AIG1: variants seen among roughly 807,000 people sequenced by gnomAD.
AIG1 encodes androgen induced 1.
A neutral mutation model predicts 31.4 loss-of-function variants in AIG1; 23 were observed. The observed-to-expected ratio is 0.73, with a 90% CI of 0.53 to 1.04. The LOEUF is 1.04. Ranked by LOEUF, AIG1 falls within the 50% of genes least tolerant of loss-of-function variation. The pLI, the probability that AIG1 is intolerant of heterozygous loss-of-function variation, is 0.00. For missense variants in AIG1, 274 were observed against 295.0 expected, an observed-to-expected ratio of 0.93 and a Z score of 0.52; for synonymous variants, 100 against 110.5, an observed-to-expected ratio of 0.90 and a Z score of 0.60.
At chr6:143,126,346 G>C (rs1782686491) in intron 1 of AIG1, 1 of 152,120 alleles carries the variant, frequency 6.6e-6, no homozygotes, top group Non-Finnish European at 1.5e-5. Context: ...ATTGCTACCG[G>C]GTGTTCAGAT....
At chr6:143,169,236 A>G (rs187361066) in intron 3 of AIG1, among the ~76,000 whole-genome samples, 2 of 152,180 alleles carry the variant, frequency 1.3e-5, no homozygotes, top group Admixed American at 1.3e-4. Context: ...ATATGCATGA[A>G]ATTTAAATGT....
intron 3 of AIG1, among the ~76,000 whole-genome samples, chr6:143,202,358 A>G (rs1790761907): frequency 6.6e-6 from 1 of 152,144 alleles, no homozygotes; most frequent in Admixed American, 6.5e-5. Flanking sequence ...ATCACAAAAA[A>G]ACAGGCAGAT....
chr6:143,302,223 T>G (rs1001002512), intron 4 of AIG1, among the ~76,000 whole-genome samples: 1 of 151,792 alleles, frequency 6.6e-6, no homozygotes, highest in Non-Finnish European at 1.5e-5. Context: ...TTTTTTAATT[T>G]AATTTTATTA....
chr6:143,318,649 G>C (rs1047579173), intron 4 of AIG1, among the ~76,000 whole-genome samples: 5 of 150,298 alleles, frequency 3.3e-5, no homozygotes, highest in African/African-American at 1.2e-4. Context: ...AAACTGAAAA[G>C]CTTCTGTACA....
At chr6:143,267,022 C>T (rs555844535) in intron 3 of AIG1, among the ~76,000 whole-genome samples, 3 of 152,328 alleles carry the variant, frequency 2.0e-5, no homozygotes, top group South Asian at 2.1e-4. Context: ...AAAAGCGACC[C>T]AGTCCTTGTC....
intron 1 of AIG1, among the ~76,000 whole-genome samples, chr6:143,124,990 C>T (rs1204948834): frequency 1.3e-5 from 2 of 152,120 alleles, no homozygotes; most frequent in Non-Finnish European, 1.5e-5. Flanking sequence ...TTGGGGAGGA[C>T]GTCCTTTTCC....
chr6:143,065,961 C>T (rs1776663979), intron 1 of AIG1, among the ~76,000 whole-genome samples: 1 of 152,182 alleles, frequency 6.6e-6, no homozygotes, highest in South Asian at 2.1e-4. Context: ...TCTCTTAGGG[C>T]CGTATCATAC....
At chr6:143,204,519 C>G (rs1381927554) in intron 3 of AIG1, among the ~76,000 whole-genome samples, 3 of 152,058 alleles carry the variant, frequency 2.0e-5, no homozygotes, top group Non-Finnish European at 4.4e-5. Flanking sequence ...GTGAAACTAC[C>G]AGGCTTCATA....
intron 2 of AIG1, among the ~76,000 whole-genome samples, chr6:143,142,215 G>C (rs1200161818): frequency 6.6e-6 from 1 of 151,956 alleles, no homozygotes; most frequent in East Asian, 1.9e-4. Context: ...AGGACTACAG[G>C]CATGCACCAC....
rs376637481 is a variant in AIG1 at position 143,175,422 on chromosome 6, C to T, written c.399+10239C>T. ...TTTTCCAGATATTTGGATTTCCCTT[C>T]TTCTTCAGGAACACCAATTATTCTT... is the stretch of plus-strand genomic sequence containing the variant. On this transcript the variant is annotated intron_variant, in intron 3 of 5. Coordinates refer to ENST00000357847, the MANE Select transcript of AIG1 (RefSeq NM_016108.4). Among the ~76,000 whole-genome samples the T allele has an allele frequency of 2.4e-4, 36 of 152,340 alleles. No homozygotes were observed. The East Asian group carries it at 2.5e-3, about 11-fold the overall frequency.
At chr6:143,315,010 A>G (rs1331918390) in intron 4 of AIG1, among the ~76,000 whole-genome samples, 3 of 152,174 alleles carry the variant, frequency 2.0e-5, no homozygotes, top group South Asian at 2.1e-4. Flanking sequence ...TGTTAATATC[A>G]CATGTAGGAA....
At chr6:143,304,858 G>T (rs1350141714) in intron 4 of AIG1, among the ~76,000 whole-genome samples, 7 of 152,126 alleles carry the variant, frequency 4.6e-5, no homozygotes, top group East Asian at 1.9e-4. Flanking sequence ...TCTGGTCCTG[G>T]ACTCTTTTTG....
rs1399600697 is a variant in AIG1, at chr6:143,297,838, T to A, written c.515+13613T>A. On this transcript the variant is annotated intron_variant, in intron 4 of 5. Transcript: ENST00000357847. The surrounding 1 kb of genome is among the most constrained non-coding windows in gnomAD (Gnocchi z 5.1). ...TAGTTTATTTTTTCCAGTTTGGGTA[T>A]TTTTTTTTCTTTCTGGTAGCACTTT... Among the ~76,000 whole-genome samples, 1 of 151,626 alleles carries A rather than the reference T, an allele frequency of 6.6e-6. No homozygotes were observed. The highest frequency in any genetic ancestry group is 2.1e-4 in the South Asian group (1 of 4,802).
At chr6:143,164,863 A>G (rs1786769381) in intron 2 of AIG1, 1 of 410,698 alleles carries the variant, frequency 2.4e-6, no homozygotes, top group Admixed American at 4.0e-5. Flanking sequence ...TTTGCCTGAA[A>G]GAACACCATT....
At chr6:143,103,548 C>T (rs1211559118) in intron 1 of AIG1, among the ~76,000 whole-genome samples, 1 of 141,792 alleles carries the variant, frequency 7.1e-6, no homozygotes, top group East Asian at 2.2e-4. Context: ...CGCTCTGTCG[C>T]CCAGGCTGGA....
rs1016307478 is a variant in AIG1 at position 143,280,824 on chromosome 6, G to A, written c.400-3286G>A. Among the ~76,000 whole-genome samples, 5 of 152,050 alleles carry A rather than the reference G, an allele frequency of 3.3e-5. No homozygotes were observed. Among genetic ancestry groups the A allele is most frequent in the Non-Finnish European group, 4.4e-5 (3 of 68,014 alleles). ...AATACGTACAATGAAACCCCATGACGTGTGTTTACCTATGTAACAAACCTT... is the reference window on the plus strand; with the variant it reads ...AATACGTACAATGAAACCCCATGACATGTGTTTACCTATGTAACAAACCTT... On this transcript the variant is annotated intron_variant, in intron 3 of 5. Coordinates refer to ENST00000357847, the MANE Select transcript of AIG1 (RefSeq NM_016108.4). The surrounding 1 kb of genome is among the most constrained non-coding windows in gnomAD (Gnocchi z 4.1).
At chr6:143,179,523 A>C (rs1157602841) in intron 3 of AIG1, among the ~76,000 whole-genome samples, 1 of 152,218 alleles carries the variant, frequency 6.6e-6, no homozygotes, top group Non-Finnish European at 1.5e-5. Flanking sequence ...TTAGTGAGAA[A>C]ACAGGCATAA....
In AIG1 at chr6:143,280,933, T is replaced by C. The variant is rs565376088; in HGVS notation, c.400-3177T>C. On this transcript the variant is annotated intron_variant, in intron 3 of 5. Transcript: ENST00000357847. This position sits in a 1 kb window ranked among gnomAD's most constrained non-coding sequence, Gnocchi z 4.1. The stretch of plus-strand genomic sequence containing the variant: ...TAATGTTATTGTTTATTATTATTGA[T>C]TGGATAATATATCACAGGAAAGACA... Among the ~76,000 whole-genome samples the C allele has an allele frequency of 3.9e-4, 59 of 152,324 alleles. No individual in the cohort carries two copies. The highest frequency in any genetic ancestry group is 7.1e-4 in the Non-Finnish European group (48 of 68,026).
intron 3 of AIG1, among the ~76,000 whole-genome samples, chr6:143,168,153 CTA>C (rs1040389470): frequency 2.7e-4 from 41 of 151,886 alleles, no homozygotes; most frequent in African/African-American, 9.2e-4. Context: ...GTTTTAATAA[CTA>C]TTAATTTGTA....
Sources: allele counts gnomAD v4.1 joint callset (sites outside exome capture counted in the v4.1 genomes callset), GRCh38; gene constraint gnomAD v4.1.1; non-coding constraint Gnocchi (gnomAD v3.1); transcripts MANE v1.5; gene names NCBI Gene and HGNC (gene_info 2026-07-23, HGNC 2026-07-21).